ZNF141: variants seen among roughly 807,000 people sequenced by gnomAD.
ZNF141 encodes zinc finger protein 141 (clone pHZ-44).
ZNF141 carries 7 observed loss-of-function variants against 11.3 expected under a neutral mutation model. The ratio of observed to expected loss-of-function variants is 0.62; its 90% CI spans 0.35 to 1.16. The LOEUF (loss-of-function observed/expected upper bound fraction) is 1.16, where lower values mean the gene tolerates loss of function less well. ZNF141 is among the 50% of genes most tolerant of loss of function. The pLI, the probability that ZNF141 is intolerant of heterozygous loss-of-function variation, is 0.02. For missense variants in ZNF141, 535 were observed against 554.0 expected (o/e 0.97, Z 0.34); for synonymous variants, 183 against 190.7 (o/e 0.96, Z 0.33).
chr4:344,303 G>T, intron 2 of ZNF141, 32 bp from the exon 3 acceptor site: 1 of 1,569,774 alleles, frequency 6.4e-7, no homozygotes, highest in Non-Finnish European at 8.7e-7. Flanking sequence ...CCCATCAATA[G>T]TCATGTTATT....
At chr4:344,275 G>A in intron 2 of ZNF141, 60 bp from the exon 3 acceptor site, 1 of 1,414,770 alleles carries the variant, frequency 7.1e-7, no homozygotes, top group African/African-American at 1.4e-5. Flanking sequence ...GTAGTACTAG[G>A]TTGGTAATTG....
rs1553854815 is a variant in ZNF141, at chr4:377,452, T to A, written c.*3590T>A. 1.3e-5 allele frequency among the ~76,000 whole-genome samples: 2 copies of A among 152,210 alleles called. No homozygotes were observed. The highest frequency in any genetic ancestry group is 4.8e-5 in the African/African-American group (2 of 41,438). On this transcript the variant is annotated 3_prime_UTR_variant, in exon 4 of 4. Coordinates refer to ENST00000240499, the MANE Select transcript of ZNF141 (RefSeq NM_003441.4). Reference sequence around the variant, plus strand: ...AATGTAAAGAGGATTTCTTTTCTTATTTTCTAATTATCTTCAGTTTTGTGA... The same window carrying A: ...AATGTAAAGAGGATTTCTTTTCTTAATTTCTAATTATCTTCAGTTTTGTGA...
At chr4:345,729 CAAAAAAA>C (rs1321182710) in intron 3 of ZNF141, among the ~76,000 whole-genome samples, 1 of 64,616 alleles carries the variant, frequency 1.5e-5, no homozygotes, top group Non-Finnish European at 3.3e-5. Context: ...ACTCTGTCTC[CAAAAAAA>C]AAAAAAAAAA....
intron 3 of ZNF141, 72 bp from the exon 4 acceptor site, chr4:372,592 T>G (rs1281769190): frequency 7.7e-7 from 1 of 1,305,134 alleles, no homozygotes; most frequent in East Asian, 2.4e-5. Flanking sequence ...TTTGAATAAT[T>G]TCATAAGATT....
rs558334607 is a variant in ZNF141, at chr4:339,141, G to T, written c.3+1155G>T. The stretch of plus-strand genomic sequence containing the variant: ...TCCCAGGACAGGGTTCTACCCTCAG[G>T]AATTGTGCCCATGGCAGCTTTGCTC... On this transcript the variant is annotated intron_variant, in intron 1 of 3. Transcript: ENST00000240499. 2.3e-4 allele frequency among the ~76,000 whole-genome samples: 35 copies of T among 152,338 alleles called. 2 individuals are homozygous for T. The Middle Eastern group carries it at 0.017, about 74-fold the overall frequency.
intron 3 of ZNF141, among the ~76,000 whole-genome samples, chr4:367,519 CT>C (rs782804343): frequency 2.7e-3 from 386 of 140,820 alleles, no homozygotes; most frequent in Middle Eastern, 3.8e-3. Context: ...ACTTTACAAT[CT>C]TTTTTTTTTT....
Position 376,095 on chromosome 4 carries a change from CAA to C in ZNF141, c.*2236_*2237del, listed in dbSNP as rs1712352807. On this transcript the variant is annotated 3_prime_UTR_variant, in exon 4 of 4. Transcript: ENST00000240499. ...GTGGGAACATAATTTTTTAACTAAA[CAA>C]AATTTTTAACGTGTTGAAATAATTG... Among the ~76,000 whole-genome samples, 1 of 152,060 alleles carries C rather than the reference CAA, an allele frequency of 6.6e-6. No individual in the cohort carries two copies. The highest frequency in any genetic ancestry group is 6.5e-5 in the Admixed American group (1 of 15,284).
At chr4:358,784 C>T (rs1553851671) in intron 3 of ZNF141, among the ~76,000 whole-genome samples, 1 of 151,932 alleles carries the variant, frequency 6.6e-6, no homozygotes, top group Non-Finnish European at 1.5e-5. Context: ...CCATGTTGGC[C>T]AGGATGGTCA....
intron 3 of ZNF141, among the ~76,000 whole-genome samples, chr4:368,417 T>G (rs780362765): frequency 2.7e-4 from 41 of 152,198 alleles, no homozygotes; most frequent in Non-Finnish European, 4.4e-4. Context: ...AATTTTTGTA[T>G]TTTTAGTAGA....
chr4:349,901 C>A (rs1721508928), intron 3 of ZNF141, among the ~76,000 whole-genome samples: 1 of 152,146 alleles, frequency 6.6e-6, no homozygotes, highest in African/African-American at 2.4e-5. Context: ...GGTTTGGCTT[C>A]TACTGACAAC....
At position 369,198 on chromosome 4, in the gene ZNF141, T is replaced by A. The variant is rs144677554; in HGVS notation, c.227-3466T>A. 4.0e-3 allele frequency among the ~76,000 whole-genome samples: 611 copies of A among 152,220 alleles called. 1 individual carries two copies. Among genetic ancestry groups the A allele is most frequent in the Non-Finnish European group, 6.4e-3 (433 of 67,970 alleles). ...ACACTCACACACACACATTAATATA[T>A]GTATACCCACATTTATCATGGGTTC... On this transcript the variant is annotated intron_variant, in intron 3 of 3. Transcript: ENST00000240499.
chr4:374,027 C>T lies in ZNF141; in HGVS notation c.*165C>T, dbSNP rs976928411. The T allele has an allele frequency of 6.6e-5, 44 of 665,620 alleles. No individual in the cohort carries two copies. Among genetic ancestry groups the T allele is most frequent in the Admixed American group, 5.0e-4 (18 of 35,702 alleles). 41.2% of individuals were successfully genotyped at this position (665,620 alleles called of 1,614,324 possible). A position where few individuals can be genotyped will look rare whatever the true frequency, so the allele number is the denominator to read the frequency against. On this transcript the variant is annotated 3_prime_UTR_variant, in exon 4 of 4. Transcript: ENST00000240499. ...TTGATAAACATAAGAGAATTCATAC[C>T]GGAGAGAAACTGTACAAATGTGAAG...
At chr4:352,722 A>G (rs557653799) in intron 3 of ZNF141, among the ~76,000 whole-genome samples, 1 of 152,072 alleles carries the variant, frequency 6.6e-6, no homozygotes, top group Non-Finnish European at 1.5e-5. Flanking sequence ...CTTTTCCCCC[A>G]CTTTCCTTTG....
At chr4:345,364 C>T (rs1560181858) in intron 3 of ZNF141, among the ~76,000 whole-genome samples, 2 of 152,078 alleles carry the variant, frequency 1.3e-5, no homozygotes, top group Non-Finnish European at 2.9e-5. Flanking sequence ...AATGTAAACT[C>T]TATATGTGCA....
chr4:367,544 T>C (rs1179298115), intron 3 of ZNF141, among the ~76,000 whole-genome samples: 3 of 147,414 alleles, frequency 2.0e-5, no homozygotes, highest in Non-Finnish European at 3.0e-5. Flanking sequence ...TGATGTGGAG[T>C]CTCACTCTGT....
chr4:352,385 CA>C (rs147318550), intron 3 of ZNF141, among the ~76,000 whole-genome samples: 8,368 of 150,524 alleles, frequency 0.056, 601 homozygotes, highest in African/African-American at 0.17. Context: ...GACTCCGTCT[CA>C]AAAAAAAAGA....
intron 3 of ZNF141, among the ~76,000 whole-genome samples, chr4:355,690 A>G (rs1305680213): frequency 1.3e-5 from 2 of 152,226 alleles, no homozygotes; most frequent in Non-Finnish European, 2.9e-5. Flanking sequence ...CGATTCAGAC[A>G]TTCTGTGAAT....
At chr4:366,440 C>A (rs1429363883) in intron 3 of ZNF141, among the ~76,000 whole-genome samples, 6 of 152,042 alleles carry the variant, frequency 3.9e-5, no homozygotes, top group Non-Finnish European at 8.8e-5. Context: ...TCCTGAGTAG[C>A]TGGGATGACA....
rs563551922 is a variant in ZNF141, at chr4:345,476, A to C, written c.226+1046A>C. Reference sequence around the variant, plus strand: ...TTGTCTTGGGCCACACATAAAATACACTAACACTAATGATAGCTGATGAGC... The same window carrying C: ...TTGTCTTGGGCCACACATAAAATACCCTAACACTAATGATAGCTGATGAGC... On this transcript the variant is annotated intron_variant, in intron 3 of 3. Transcript: ENST00000240499. Among the ~76,000 whole-genome samples, 18 of 152,172 alleles carry C rather than the reference A, an allele frequency of 1.2e-4. 1 individual carries two copies. The highest frequency in any genetic ancestry group is 4.1e-4 in the African/African-American group (17 of 41,530).
Sources: gnomAD v4.1 joint callset for allele counts (sites outside exome capture counted in the v4.1 genomes callset) on GRCh38, gnomAD v4.1.1 for gene constraint, MANE v1.5 for transcripts, NCBI Gene and HGNC (gene_info 2026-07-23, HGNC 2026-07-21) for gene names.